Variants in LMBR1 observed in about 807,000 individuals in gnomAD.
LMBR1 encodes limb region 1 protein homolog.
LMBR1 carries 52 observed loss-of-function variants against 73.9 expected under a neutral mutation model. The observed-to-expected ratio is 0.70, with a 90% CI of 0.56 to 0.89. The LOEUF (loss-of-function observed/expected upper bound fraction) is 0.89, where lower values mean the gene tolerates loss of function less well. LMBR1 is among the 40% of genes least tolerant of loss of function. The pLI is 0.00. For missense variants in LMBR1, 539 were observed against 579.8 expected, an observed-to-expected ratio of 0.93 and a Z score of 0.72; for synonymous variants, 215 against 209.4, an observed-to-expected ratio of 1.03 and a Z score of -0.23.
At chr7:156,761,160 T>C (rs1222366117) in intron 8 of LMBR1, among the ~76,000 whole-genome samples, 1 of 152,192 alleles carries the variant, frequency 6.6e-6, no homozygotes, top group Non-Finnish European at 1.5e-5. Flanking sequence ...CAGGGACAGC[T>C]AGAGGAAAAC....
intron 8 of LMBR1, among the ~76,000 whole-genome samples, chr7:156,757,204 T>C (rs985322882): frequency 6.6e-6 from 1 of 152,218 alleles, no homozygotes; most frequent in Non-Finnish European, 1.5e-5. Context: ...ATTTTAGAGA[T>C]AGAAGGAACA....
chr7:156,725,877 C>G, intron 12 of LMBR1, 40 bp from the exon 13 acceptor site: 1 of 1,479,434 alleles, frequency 6.8e-7, no homozygotes, highest in Non-Finnish European at 9.4e-7. Context: ...TTTGATGACA[C>G]CATTATATTG....
intron 5 of LMBR1, among the ~76,000 whole-genome samples, chr7:156,765,855 C>T (rs527829611): frequency 3.9e-5 from 6 of 152,242 alleles, no homozygotes; most frequent in South Asian, 2.1e-4. Context: ...TATACATGAG[C>T]TAAACAGTGT....
At chr7:156,885,093 G>A (rs572155895) in intron 1 of LMBR1, among the ~76,000 whole-genome samples, 2 of 152,336 alleles carry the variant, frequency 1.3e-5, no homozygotes, top group Non-Finnish European at 2.9e-5. Context: ...GCTCATGCCT[G>A]TAATCCCAGC....
chr7:156,714,269 G>A (rs1319752291), intron 15 of LMBR1, among the ~76,000 whole-genome samples: 1 of 152,194 alleles, frequency 6.6e-6, no homozygotes, highest in African/African-American at 2.4e-5. Context: ...ACGGAAAACT[G>A]CACCAAGTGT....
chr7:156,696,683 GC>G (rs1808357277), intron 15 of LMBR1, among the ~76,000 whole-genome samples: 1 of 152,138 alleles, frequency 6.6e-6, no homozygotes, highest in Non-Finnish European at 1.5e-5. Flanking sequence ...GGAAAGACCT[GC>G]CCCCATGATT....
At chr7:156,876,887 C>T (rs1800255165) in intron 1 of LMBR1, among the ~76,000 whole-genome samples, 1 of 152,038 alleles carries the variant, frequency 6.6e-6, no homozygotes, top group African/African-American at 2.4e-5. Context: ...CACAAATAGA[C>T]AATCTAAGGT....
chr7:156,737,212 G>C (rs1818042940), intron 9 of LMBR1, among the ~76,000 whole-genome samples: 1 of 152,120 alleles, frequency 6.6e-6, no homozygotes, highest in South Asian at 2.1e-4. Context: ...ATTATAGTTT[G>C]ATTAAGTATA....
chr7:156,838,183 G>C (rs1269661678), intron 1 of LMBR1, among the ~76,000 whole-genome samples: 1 of 148,400 alleles, frequency 6.7e-6, no homozygotes, highest in Non-Finnish European at 1.5e-5. Flanking sequence ...GCTCAATCAA[G>C]CTAATTAGCA....
intron 1 of LMBR1, among the ~76,000 whole-genome samples, chr7:156,855,712 T>C (rs1408273313): frequency 2.0e-5 from 3 of 146,786 alleles, no homozygotes; most frequent in Admixed American, 2.0e-4. Flanking sequence ...TATCATATGC[T>C]GCAAGCTGCA....
chr7:156,748,070 G>A (rs530141848), intron 9 of LMBR1: 23 of 152,160 alleles, frequency 1.5e-4, no homozygotes, highest in African/African-American at 5.1e-4. Flanking sequence ...CCATATACTC[G>A]AAAACTCTGT....
chr7:156,808,744 G>T (rs1832585577), intron 4 of LMBR1, among the ~76,000 whole-genome samples: 1 of 151,746 alleles, frequency 6.6e-6, no homozygotes, highest in South Asian at 2.1e-4. Context: ...GCTATTTCTG[G>T]TTTGTCTTCA....
chr7:156,810,957 T>C (rs2133603106), intron 4 of LMBR1, among the ~76,000 whole-genome samples: 1 of 151,698 alleles, frequency 6.6e-6, no homozygotes, highest in Non-Finnish European at 1.5e-5. Flanking sequence ...TCTACAGGCA[T>C]GCACCACCAT....
At position 156,760,302 on chromosome 7, in the gene LMBR1, G is replaced by A. The variant is rs192173848; in HGVS notation, c.684+1832C>T. 5.3e-3 allele frequency among the ~76,000 whole-genome samples: 806 copies of A among 152,286 alleles called. 5 individuals carry two copies. Among genetic ancestry groups the A allele is most frequent in the Non-Finnish European group, 8.4e-3 (569 of 68,014 alleles). On this transcript the variant is annotated intron_variant, in intron 8 of 16. Coordinates refer to ENST00000353442, the MANE Select transcript of LMBR1 (RefSeq NM_022458.4). ...AGTTAAGGAGAAAAATTAGCTTGGG[G>A]AAGGGAGCTAAGTAAGTAGTTTCGT...
At chr7:156,866,449 C>T (rs1024166414) in intron 1 of LMBR1, among the ~76,000 whole-genome samples, 1 of 150,798 alleles carries the variant, frequency 6.6e-6, no homozygotes, top group African/African-American at 2.4e-5. Context: ...ACAGCCATTG[C>T]TATGCAAATG....
rs138301149 is a variant in LMBR1 at position 156,832,975 on chromosome 7, G to C, written c.179+778C>G. ...TTGGGATAACTAGTAAGTTTGAATG[G>C]AGTGTGAGTGGTACCGCTGTCTATG... On this transcript the variant is annotated intron_variant, in intron 3 of 16. Coordinates refer to ENST00000353442, the MANE Select transcript of LMBR1 (RefSeq NM_022458.4). Among the ~76,000 whole-genome samples the C allele has an allele frequency of 5.6e-3, 856 of 152,288 alleles. 11 individuals carry two copies. Among genetic ancestry groups the C allele is most frequent in the African/African-American group, 0.02 (820 of 41,548 alleles).
chr7:156,783,023 C>T (rs979361741), intron 5 of LMBR1, among the ~76,000 whole-genome samples: 2 of 152,090 alleles, frequency 1.3e-5, no homozygotes, highest in African/African-American at 2.4e-5. Flanking sequence ...AAAATTGCTC[C>T]GGCTATTCTT....
chr7:156,755,569 TATA>T (rs1821712803), intron 9 of LMBR1, among the ~76,000 whole-genome samples: 1 of 152,238 alleles, frequency 6.6e-6, no homozygotes, highest in South Asian at 2.1e-4. Context: ...ACAAATTTAT[TATA>T]ATATTTACTG....
chr7:156,770,901 GA>G (rs1825051627), intron 5 of LMBR1, among the ~76,000 whole-genome samples: 1 of 152,016 alleles, frequency 6.6e-6, no homozygotes, highest in South Asian at 2.1e-4. Context: ...GCAACAGAGT[GA>G]AATCCTGTCT....
Sources: allele counts gnomAD v4.1 joint callset (sites outside exome capture counted in the v4.1 genomes callset), GRCh38; gene constraint gnomAD v4.1.1; transcripts MANE v1.5; gene names NCBI Gene and HGNC (gene_info 2026-07-23, HGNC 2026-07-21).